TSC22D1: variants seen among roughly 807,000 people sequenced by gnomAD.
TSC22D1 encodes the protein TSC22 domain family protein 1.
TSC22D1 carries 9 observed loss-of-function variants against 74.2 expected under a neutral mutation model. The ratio of observed to expected loss-of-function variants is 0.12; its 90% CI spans 0.07 to 0.21. The LOEUF is 0.21. TSC22D1 is among the 10% of genes least tolerant of loss of function. The pLI, the probability that TSC22D1 is intolerant of heterozygous loss-of-function variation, is 1.00. For synonymous variants in TSC22D1, 586 were observed against 492.5 expected, an observed-to-expected ratio of 1.19 and a Z score of -2.51; for missense variants, 1,427 against 1,304.7, an observed-to-expected ratio of 1.09 and a Z score of -1.44.
intron 1 of TSC22D1, among the ~76,000 whole-genome samples, chr13:44,562,184 C>T (rs1883088108): frequency 1.3e-5 from 2 of 152,082 alleles, no homozygotes; most frequent in South Asian, 2.1e-4. Context: ...GGACAACAGG[C>T]GTGCACGCCA....
chr13:44,436,330 C>CTGTT, intron 1 of TSC22D1: 4 of 986,166 alleles, frequency 4.1e-6, no homozygotes, highest in Non-Finnish European at 6.1e-6. Context: ...TGGGGAAAGC[C>CTGTT]TGTTCTCTGG....
At chr13:44,464,368 G>A (rs886683293) in intron 1 of TSC22D1, among the ~76,000 whole-genome samples, 2 of 152,018 alleles carry the variant, frequency 1.3e-5, no homozygotes, top group Non-Finnish European at 2.9e-5. Context: ...AAGTTTTACC[G>A]AAGTCATTCA....
chr13:44,455,317 A>G (rs1566120846), intron 1 of TSC22D1, among the ~76,000 whole-genome samples: 1 of 152,222 alleles, frequency 6.6e-6, no homozygotes, highest in Non-Finnish European at 1.5e-5. Flanking sequence ...GAGACCCAAC[A>G]AAGTCAAGAC....
chr13:44,507,501 T>C (rs1879497610), intron 1 of TSC22D1, among the ~76,000 whole-genome samples: 1 of 151,914 alleles, frequency 6.6e-6, no homozygotes, highest in South Asian at 2.1e-4. Flanking sequence ...GACTAATATG[T>C]ATGTATTGAT....
chr13:44,476,439 TA>T (rs1275531056), intron 1 of TSC22D1, among the ~76,000 whole-genome samples: 5 of 152,212 alleles, frequency 3.3e-5, no homozygotes, highest in Non-Finnish European at 7.4e-5. Context: ...TATTATCTAA[TA>T]AAAAATATCA....
intron 1 of TSC22D1, among the ~76,000 whole-genome samples, chr13:44,497,133 C>T (rs1212201118): frequency 6.6e-6 from 1 of 151,946 alleles, no homozygotes; most frequent in Admixed American, 6.6e-5. Context: ...TCACAATAGC[C>T]AAAAGGTGAA....
At chr13:44,547,006 C>T (rs947087222) in intron 1 of TSC22D1, among the ~76,000 whole-genome samples, 3 of 151,998 alleles carry the variant, frequency 2.0e-5, no homozygotes, top group African/African-American at 4.8e-5. Context: ...AAGTAATGTG[C>T]CTGCCTCAGT....
intron 1 of TSC22D1, among the ~76,000 whole-genome samples, chr13:44,488,374 T>A (rs1878545143): frequency 1.3e-5 from 2 of 152,202 alleles, no homozygotes; most frequent in Admixed American, 1.3e-4. Flanking sequence ...TTTATAATGA[T>A]TACATATTGA....
chr13:44,573,053 T>A (rs1883879669), intron 1 of TSC22D1, 110 bp downstream of exon 1: 1 of 1,437,708 alleles, frequency 7.0e-7, no homozygotes, highest in Non-Finnish European at 9.2e-7. Flanking sequence ...ATTTTTCACA[T>A]ACAAAACACA....
intron 1 of TSC22D1, among the ~76,000 whole-genome samples, chr13:44,485,411 C>T (rs1595110548): frequency 6.6e-6 from 1 of 152,186 alleles, no homozygotes; most frequent in East Asian, 1.9e-4. Flanking sequence ...TTCAGTATAA[C>T]ACAAACTTTG....
chr13:44,488,280 C>G, intron 1 of TSC22D1, among the ~76,000 whole-genome samples: 1 of 152,154 alleles, frequency 6.6e-6, no homozygotes, highest in East Asian at 1.9e-4. Flanking sequence ...ACAGCTAGTC[C>G]AAACTGAGAT....
chr13:44,532,570 TCC>T, intron 1 of TSC22D1, among the ~76,000 whole-genome samples: 1 of 152,070 alleles, frequency 6.6e-6, no homozygotes, highest in African/African-American at 2.4e-5. Context: ...GCCTCCCAGG[TCC>T]TCGCCATTCT....
chr13:44,520,328 T>A (rs574177871), intron 1 of TSC22D1, among the ~76,000 whole-genome samples: 2 of 152,326 alleles, frequency 1.3e-5, no homozygotes, highest in East Asian at 3.9e-4. Context: ...TGTAGTCTAC[T>A]GTTTCAAATG....
intron 1 of TSC22D1, among the ~76,000 whole-genome samples, chr13:44,444,231 A>T (rs1446721169): frequency 7.1e-6 from 1 of 140,578 alleles, no homozygotes; most frequent in Non-Finnish European, 1.5e-5. Context: ...GTGACTCAAG[A>T]TTGCACCACT....
rs1883968873 is a variant in TSC22D1 at position 44,573,843 on chromosome 13, C to T, written c.2232G>A (p.Gln744=). 1 of 1,614,094 alleles carries T rather than the reference C, an allele frequency of 6.2e-7. No homozygotes were observed. The highest frequency in any genetic ancestry group is 8.5e-7 in the Non-Finnish European group (1 of 1,180,036). The change falls in exon 1 of 3, where the codon CAG becomes CAA. Residue 744 remains glutamine (Q), a synonymous_variant. Transcript: ENST00000458659. Reference sequence around the variant, plus strand: ...CTGAAGGTGGAACCTGGGTAGAGGGCTGCTGCACTGCAGTAGGTATGTTTG... The same window carrying T: ...CTGAAGGTGGAACCTGGGTAGAGGGTTGCTGCACTGCAGTAGGTATGTTTG... ...QQANIPTAVQ[Q]PSTQVPPSVI...
chr13:44,517,857 A>ATATTTTTTTTTTTTT (rs10627677), intron 1 of TSC22D1, among the ~76,000 whole-genome samples: 1 of 16,176 alleles, frequency 6.2e-5, no homozygotes, highest in African/African-American at 1.8e-4. Flanking sequence ...ATATATATAT[A>ATATTTTTTTTTTTTT]TTTTTTTTTT....
At chr13:44,508,125 C>A (rs1879521884) in intron 1 of TSC22D1, among the ~76,000 whole-genome samples, 1 of 152,172 alleles carries the variant, frequency 6.6e-6, no homozygotes, top group African/African-American at 2.4e-5. Flanking sequence ...GAGAAACTGA[C>A]AAGTGTTTTG....
chr13:44,536,590 T>C (rs1289020266), intron 1 of TSC22D1: 2 of 326,902 alleles, frequency 6.1e-6, no homozygotes, highest in African/African-American at 2.2e-5. Context: ...ATGAATTGCA[T>C]AGTTCTCTAA....
intron 1 of TSC22D1, among the ~76,000 whole-genome samples, chr13:44,467,272 T>C (rs529576390): frequency 2.8e-4 from 42 of 152,264 alleles, no homozygotes; most frequent in African/African-American, 9.1e-4. Context: ...AGGACATGGA[T>C]ACCTGACGTG....
Sources: gnomAD v4.1 joint callset for allele counts (sites outside exome capture counted in the v4.1 genomes callset) on GRCh38, gnomAD v4.1.1 for gene constraint, MANE v1.5 for transcripts, NCBI Gene and HGNC (gene_info 2026-07-23, HGNC 2026-07-21) for gene names.